C1QTNF7: variants seen among roughly 807,000 people sequenced by gnomAD.
The protein encoded by C1QTNF7 is C1q and TNF related 7.
Under a neutral mutation model 19.6 loss-of-function variants are expected in C1QTNF7, and 15 were observed. That is an observed-to-expected ratio of 0.76 (90% CI 0.51 to 1.18). C1QTNF7 has a LOEUF of 1.18. Ranked by LOEUF, C1QTNF7 falls within the 50% of genes most tolerant of loss-of-function variation. The pLI, the probability that C1QTNF7 is intolerant of heterozygous loss-of-function variation, is 0.00. For missense variants in C1QTNF7, 324 were observed against 359.7 expected (o/e 0.90, Z 0.80); for synonymous variants, 142 against 137.5 (o/e 1.03, Z -0.23).
At chr4:15,357,228 AG>A (rs1179902423) in intron 1 of C1QTNF7, among the ~76,000 whole-genome samples, 2 of 152,182 alleles carry the variant, frequency 1.3e-5, no homozygotes, top group Non-Finnish European at 2.9e-5. Flanking sequence ...TTGTGGTGTT[AG>A]GTCTTACATT....
At chr4:15,403,239 G>A (rs1181862731) in intron 1 of C1QTNF7, among the ~76,000 whole-genome samples, 3 of 152,178 alleles carry the variant, frequency 2.0e-5, no homozygotes, top group Non-Finnish European at 2.9e-5. Flanking sequence ...ATTTTGCTCT[G>A]TGTTATTCAT....
At chr4:15,394,176 C>G (rs1718691589) in intron 1 of C1QTNF7, among the ~76,000 whole-genome samples, 2 of 152,214 alleles carry the variant, frequency 1.3e-5, no homozygotes, top group African/African-American at 2.4e-5. Context: ...ATGTTTGGAA[C>G]ACTTGAGGAA....
At chr4:15,397,793 C>A (rs151238596) in intron 1 of C1QTNF7, among the ~76,000 whole-genome samples, 18 of 152,330 alleles carry the variant, frequency 1.2e-4, no homozygotes, top group Non-Finnish European at 2.2e-4. Flanking sequence ...GTCATAGGAT[C>A]CCCAACAGAC....
chr4:15,398,850 G>C (rs1329018900), intron 1 of C1QTNF7, among the ~76,000 whole-genome samples: 1 of 152,180 alleles, frequency 6.6e-6, no homozygotes, highest in African/African-American at 2.4e-5. Flanking sequence ...AGCAGGCAAC[G>C]TGAGAAATCA....
Position 15,392,790 on chromosome 4 carries a change from A to G in C1QTNF7, c.14-42946A>G, listed in dbSNP as rs576792247. Among the ~76,000 whole-genome samples the G allele has an allele frequency of 1.3e-3, 200 of 152,284 alleles. 1 individual carries two copies. The highest frequency in any genetic ancestry group is 4.7e-3 in the African/African-American group (195 of 41,562). On this transcript the variant is annotated intron_variant, in intron 1 of 2. Coordinates refer to the C1QTNF7 transcript ENST00000295297. ...ATGATATAGAAAGGGGCAACATGGG[A>G]TTTTCAAAAGACATTTGAGTGAAAT...
chr4:15,394,354 T>C (rs1255034173), intron 1 of C1QTNF7, among the ~76,000 whole-genome samples: 1 of 152,230 alleles, frequency 6.6e-6, no homozygotes, highest in Admixed American at 6.5e-5. Context: ...ATGTGCCCAG[T>C]AGGGGAATGC....
At chr4:15,391,664 G>A (rs533903322) in intron 1 of C1QTNF7, among the ~76,000 whole-genome samples, 20 of 152,258 alleles carry the variant, frequency 1.3e-4, no homozygotes, top group African/African-American at 2.2e-4. Context: ...TGTTATTAAC[G>A]TGTTTGTGTC....
At chr4:15,352,978 G>T (rs1716988052) in intron 1 of C1QTNF7, among the ~76,000 whole-genome samples, 1 of 152,142 alleles carries the variant, frequency 6.6e-6, no homozygotes, top group Admixed American at 6.6e-5. Context: ...GGGCTGCTTT[G>T]ATTTCTGGAA....
At chr4:15,350,427 G>A (rs924352594) in intron 1 of C1QTNF7, among the ~76,000 whole-genome samples, 1 of 151,328 alleles carries the variant, frequency 6.6e-6, no homozygotes, top group South Asian at 2.1e-4. Context: ...TCCCTGTAAA[G>A]TTACTCATTT....
At chr4:15,438,750 A>C (rs1051486694) in intron 2 of C1QTNF7, among the ~76,000 whole-genome samples, 8 of 152,224 alleles carry the variant, frequency 5.3e-5, no homozygotes, top group Non-Finnish European at 8.8e-5. Context: ...TCATGAACTT[A>C]ACTTTGGCCC....
At chr4:15,347,191 CA>C (rs1716749417) in intron 1 of C1QTNF7, among the ~76,000 whole-genome samples, 1 of 152,048 alleles carries the variant, frequency 6.6e-6, no homozygotes, top group Non-Finnish European at 1.5e-5. Context: ...GAATGGTGCC[CA>C]AATAGACTTT....
intron 1 of C1QTNF7, among the ~76,000 whole-genome samples, chr4:15,411,984 G>A (rs758313288): frequency 3.3e-5 from 5 of 152,090 alleles, no homozygotes; most frequent in Non-Finnish European, 7.4e-5. Context: ...ATTTACAGCT[G>A]CTCCCCATCA....
At chr4:15,416,154 T>C (rs1461825719) in intron 1 of C1QTNF7, among the ~76,000 whole-genome samples, 1 of 152,238 alleles carries the variant, frequency 6.6e-6, no homozygotes, top group Non-Finnish European at 1.5e-5. Flanking sequence ...ACTTTATATT[T>C]GCAAGAACAA....
intron 1 of C1QTNF7, among the ~76,000 whole-genome samples, chr4:15,416,616 G>T (rs558781642): frequency 6.6e-6 from 1 of 152,154 alleles, no homozygotes; most frequent in East Asian, 1.9e-4. Flanking sequence ...CTGTCTCCAC[G>T]ATACTCGACC....
At chr4:15,371,874 C>T (rs1717742808) in intron 1 of C1QTNF7, among the ~76,000 whole-genome samples, 1 of 152,110 alleles carries the variant, frequency 6.6e-6, no homozygotes, top group African/African-American at 2.4e-5. Context: ...GCTTCCTTCT[C>T]ATGGTGCTCT....
At chr4:15,342,839 C>T (rs1426625551) in intron 1 of C1QTNF7, among the ~76,000 whole-genome samples, 1 of 152,218 alleles carries the variant, frequency 6.6e-6, no homozygotes, top group Non-Finnish European at 1.5e-5. Flanking sequence ...GAAAACTGTG[C>T]ACCATGGTAG....
chr4:15,442,899 C>A lies in C1QTNF7; in HGVS notation c.*100C>A. The A allele has an allele frequency of 1.6e-6, 2 of 1,256,802 alleles. No individual in the cohort carries two copies. The highest frequency in any genetic ancestry group is 2.2e-6 in the Non-Finnish European group (2 of 923,630). The allele number at this position is 1,256,802 out of a possible 1,614,324, so 77.9% of individuals were successfully genotyped here. On this transcript the variant is annotated 3_prime_UTR_variant, in exon 3 of 3. Transcript: ENST00000444304. ...ATCCAAAGAGACTCCCACTCAGATT[C>A]TAAAGCATTTAAAGACAATTCTAGC...
rs1712796022 is a variant in C1QTNF7, at chr4:15,442,274, AG to A, written c.347del (p.Gly116ValfsTer103). The A allele has an allele frequency of 6.2e-7, 1 of 1,614,016 alleles. No homozygotes were observed. Among genetic ancestry groups the A allele is most frequent in the African/African-American group, 1.3e-5 (1 of 74,918 alleles). ...GACCAGAGGGAGAGAAAGGAGAAGT[AG>A]GTCCAATTGGTCCTCCTGGACCAAA... The part of the protein sequence containing the change: ...IGPEGEKGEV[G>X]PIGPPGPKGD... On this transcript the variant is annotated frameshift_variant, in exon 3 of 3. Coordinates refer to ENST00000444304, the MANE Select transcript of C1QTNF7 (RefSeq NM_031911.5). LOFTEE classifies it high-confidence loss of function.
intron 1 of C1QTNF7, among the ~76,000 whole-genome samples, chr4:15,343,044 G>A (rs945304530): frequency 6.6e-6 from 1 of 152,162 alleles, no homozygotes; most frequent in Non-Finnish European, 1.5e-5. Flanking sequence ...CTATCAAAAT[G>A]CCTGACATAT....
Sources: allele counts gnomAD v4.1 joint callset (sites outside exome capture counted in the v4.1 genomes callset), GRCh38; gene constraint gnomAD v4.1.1; transcripts MANE v1.5; gene names NCBI Gene and HGNC (gene_info 2026-07-23, HGNC 2026-07-21).